Variants in PAM observed in about 807,000 individuals in gnomAD.
PAM encodes the protein peptidyl-glycine alpha-amidating monooxygenase.
A neutral mutation model predicts 122.1 loss-of-function variants in PAM; 72 were observed. The ratio of observed to expected loss-of-function variants is 0.59; its 90% CI spans 0.49 to 0.72. The LOEUF (loss-of-function observed/expected upper bound fraction) is 0.72, where lower values mean the gene tolerates loss of function less well. Among genes scored for constraint, PAM ranks in the 30% least tolerant of loss-of-function variants. The pLI, the probability that PAM is intolerant of heterozygous loss-of-function variation, is 0.00. For missense variants in PAM, 1,106 were observed against 1,183.7 expected (o/e 0.93, Z 0.96); for synonymous variants, 389 against 404.4 (o/e 0.96, Z 0.46).
chr5:102,924,328 G>A (rs924936804), intron 5 of PAM, among the ~76,000 whole-genome samples: 2 of 151,470 alleles, frequency 1.3e-5, no homozygotes, highest in African/African-American at 2.4e-5. Flanking sequence ...AGCTACTCAG[G>A]AGGCTGAGGC....
intron 1 of PAM, among the ~76,000 whole-genome samples, chr5:102,783,875 T>C (rs1316810882): frequency 1.3e-5 from 2 of 151,912 alleles, no homozygotes; most frequent in Non-Finnish European, 2.9e-5. Flanking sequence ...TTGGATCAAG[T>C]TCAAAATTCT....
chr5:102,976,583 G>A (rs979065786), intron 15 of PAM, among the ~76,000 whole-genome samples: 6 of 152,098 alleles, frequency 3.9e-5, no homozygotes, highest in South Asian at 4.1e-4. Context: ...CCTAATGGTC[G>A]GAGGAATTAA....
intron 5 of PAM, among the ~76,000 whole-genome samples, chr5:102,916,795 C>A (rs547051646): frequency 2.0e-5 from 3 of 149,614 alleles, no homozygotes; most frequent in East Asian, 4.0e-4. Flanking sequence ...TGCAGTGGTG[C>A]GATCTCAGCT....
intron 7 of PAM, among the ~76,000 whole-genome samples, chr5:102,944,148 A>T (rs1478971017): frequency 6.6e-6 from 1 of 152,194 alleles, no homozygotes; most frequent in African/African-American, 2.4e-5. Context: ...TGCATATGAC[A>T]TTATAATGGA....
At chr5:102,806,534 G>A (rs1766270384) in intron 1 of PAM, among the ~76,000 whole-genome samples, 1 of 152,076 alleles carries the variant, frequency 6.6e-6, no homozygotes, top group Non-Finnish European at 1.5e-5. Context: ...ATATTCAGAT[G>A]AATACATGTA....
At chr5:102,945,315 T>C (rs1256226481) in intron 7 of PAM, among the ~76,000 whole-genome samples, 1 of 152,016 alleles carries the variant, frequency 6.6e-6, no homozygotes, top group East Asian at 1.9e-4. Flanking sequence ...GATCAAATAA[T>C]TGTGCAGGAT....
At chr5:102,938,138 A>G (rs894892443) in intron 7 of PAM, among the ~76,000 whole-genome samples, 5 of 152,190 alleles carry the variant, frequency 3.3e-5, no homozygotes, top group Non-Finnish European at 7.4e-5. Context: ...CTCCCAAATG[A>G]TCTGAAAGAA....
At chr5:102,923,994 T>C (rs1472609134) in intron 5 of PAM, among the ~76,000 whole-genome samples, 2 of 152,226 alleles carry the variant, frequency 1.3e-5, no homozygotes, top group African/African-American at 2.4e-5. Flanking sequence ...AGTGTACTTA[T>C]CCCTGTTTTC....
intron 1 of PAM, among the ~76,000 whole-genome samples, chr5:102,796,956 A>C (rs1233122335): frequency 6.6e-6 from 1 of 152,252 alleles, no homozygotes; most frequent in Non-Finnish European, 1.5e-5. Context: ...GGAACCTAAT[A>C]ATAGAATAAT....
chr5:102,872,268 G>A (rs891734305), intron 3 of PAM, among the ~76,000 whole-genome samples: 2 of 152,090 alleles, frequency 1.3e-5, no homozygotes, highest in African/African-American at 2.4e-5. Flanking sequence ...GAACAATTCT[G>A]AGTTTAAGAA....
At position 102,906,472 on chromosome 5, in the gene PAM, A is replaced by T. The variant is rs112072906; in HGVS notation, c.268+5059A>T. On this transcript the variant is annotated intron_variant, in intron 4 of 25. Coordinates refer to ENST00000438793, the MANE Select transcript of PAM (RefSeq NM_001177306.2). ...TTTTAGTGGCCCACAGTATGAGCCC[A>T]AACACACTGGGCACAAGTATGAGAG... Among the ~76,000 whole-genome samples the T allele has an allele frequency of 2.5e-3, 384 of 151,798 alleles. 3 individuals are homozygous for T. Among genetic ancestry groups the T allele is most frequent in the African/African-American group, 8.6e-3 (357 of 41,486 alleles).
At chr5:103,002,442 T>C (rs1777687976) in intron 16 of PAM, among the ~76,000 whole-genome samples, 1 of 152,176 alleles carries the variant, frequency 6.6e-6, no homozygotes, top group Non-Finnish European at 1.5e-5. Context: ...GTTTTATGCC[T>C]CTAAGCATAT....
intron 3 of PAM, among the ~76,000 whole-genome samples, chr5:102,890,903 A>T (rs1794597576): frequency 6.6e-6 from 1 of 151,934 alleles, no homozygotes; most frequent in African/African-American, 2.4e-5. Flanking sequence ...TAATAACCCC[A>T]TTAACTGTGT....
At chr5:102,928,655 C>T (rs1374844259) in intron 7 of PAM, among the ~76,000 whole-genome samples, 1 of 152,012 alleles carries the variant, frequency 6.6e-6, no homozygotes, top group Non-Finnish European at 1.5e-5. Context: ...TCAAATCTCA[C>T]TAAAACAATG....
chr5:102,960,775 C>T (rs77438276), intron 13 of PAM, among the ~76,000 whole-genome samples: 2,209 of 151,560 alleles, frequency 0.015, 59 homozygotes, highest in African/African-American at 0.051. Flanking sequence ...GCATTCTGGC[C>T]ATTTATTAAG....
intron 1 of PAM, among the ~76,000 whole-genome samples, chr5:102,762,787 GA>G (rs1431038915): frequency 6.6e-6 from 1 of 152,148 alleles, no homozygotes; most frequent in Non-Finnish European, 1.5e-5. Context: ...AATCAGGAGC[GA>G]AGTGGTTCTT....
chr5:102,935,785 C>G (rs1194539812), intron 7 of PAM, among the ~76,000 whole-genome samples: 2 of 152,124 alleles, frequency 1.3e-5, no homozygotes, highest in Non-Finnish European at 2.9e-5. Flanking sequence ...AGAATTACCT[C>G]TAAAGTTATA....
chr5:102,798,241 A>G (rs1319019638), intron 1 of PAM, among the ~76,000 whole-genome samples: 7 of 152,186 alleles, frequency 4.6e-5, no homozygotes, highest in Non-Finnish European at 1.0e-4. Context: ...ACCTCGTGGT[A>G]TGGGTGATGG....
chr5:103,000,746 A>G (rs1777129186), intron 16 of PAM, among the ~76,000 whole-genome samples: 1 of 152,114 alleles, frequency 6.6e-6, no homozygotes, highest in African/African-American at 2.4e-5. Context: ...TGCCAAGCAA[A>G]AGGGGGAAAA....
Sources: gnomAD v4.1 joint callset for allele counts (sites outside exome capture counted in the v4.1 genomes callset) on GRCh38, gnomAD v4.1.1 for gene constraint, MANE v1.5 for transcripts, NCBI Gene and HGNC (gene_info 2026-07-23, HGNC 2026-07-21) for gene names.